The following SMARCC2 variants were observed in gnomAD, a reference collection of about 807,000 sequenced individuals.
The protein encoded by SMARCC2 is SWI/SNF complex subunit SMARCC2.
A neutral mutation model predicts 151.3 loss-of-function variants in SMARCC2; 15 were observed. The ratio of observed to expected loss-of-function variants is 0.10; its 90% CI spans 0.07 to 0.15. SMARCC2 has a LOEUF of 0.15. Among genes scored for constraint, SMARCC2 ranks in the 10% least tolerant of loss-of-function variants. The pLI is 1.00. For missense variants in SMARCC2, 1,031 were observed against 1,599.7 expected, an observed-to-expected ratio of 0.64 and a Z score of 6.06; for synonymous variants, 590 against 609.5, an observed-to-expected ratio of 0.97 and a Z score of 0.47.
At chr12:56,179,822 G>C (rs2135724492) in intron 11 of SMARCC2, among the ~76,000 whole-genome samples, 1 of 152,136 alleles carries the variant, frequency 6.6e-6, no homozygotes, top group East Asian at 1.9e-4. Context: ...GAATAGCTAG[G>C]ATTACAGGCG....
intron 5 of SMARCC2, 186 bp from the exon 6 acceptor site, chr12:56,184,430 G>C (rs1470525188): frequency 3.4e-6 from 2 of 584,032 alleles, no homozygotes; most frequent in African/African-American, 3.7e-5. Context: ...ATGGAGAAAA[G>C]TCAAAGAATT....
intron 25 of SMARCC2, 47 bp downstream of exon 25, chr12:56,169,482 G>C (rs1252458799): frequency 6.3e-7 from 1 of 1,595,514 alleles, no homozygotes; most frequent in Admixed American, 1.7e-5. Context: ...GATGAGATTA[G>C]AGAAGTGGAC....
chr12:56,187,416 T>C (rs897792151), intron 1 of SMARCC2, 110 bp from the exon 2 acceptor site: 2 of 1,023,812 alleles, frequency 2.0e-6, no homozygotes, highest in Non-Finnish European at 2.9e-6. Context: ...AAGAAAATAG[T>C]GCCCTTCTCC....
chr12:56,184,024 G>A, intron 6 of SMARCC2, 94 bp from the exon 7 acceptor site: 1 of 1,084,756 alleles, frequency 9.2e-7, no homozygotes, highest in Non-Finnish European at 1.4e-6. Context: ...CTCTCCTGTT[G>A]TAGCAGGGGA....
Position 56,168,052 on chromosome 12 carries a change from C to T in SMARCC2, c.2850+8G>A. On this transcript the variant is annotated splice_region_variant and intron_variant, in intron 26 of 28. Transcript: ENST00000550164. ...GCGCAGCAGGGTTCCAGGGCTCCTG[C>T]TACTCACTGCTTCTCGCTCCCGGTC... 6.2e-7 allele frequency: 1 copy of T among 1,612,492 alleles called. No homozygotes were observed. Among genetic ancestry groups the T allele is most frequent in the South Asian group, 1.1e-5 (1 of 91,064 alleles).
rs559358622 is a variant in SMARCC2, at chr12:56,174,574, G to A, written c.1496+77C>T. 1.5e-3 allele frequency: 1,363 copies of A among 885,832 alleles called. 3 individuals are homozygous for A. Among genetic ancestry groups the A allele is most frequent in the Non-Finnish European group, 1.6e-3 (839 of 525,432 alleles). The allele number at this position is 885,832 out of a possible 1,614,324, so 54.9% of individuals were successfully genotyped here. A position where few individuals can be genotyped will look rare whatever the true frequency, so the allele number is the denominator to read the frequency against. On this transcript the variant is annotated intron_variant, in intron 16 of 28. Coordinates refer to ENST00000550164, the MANE Select transcript of SMARCC2 (RefSeq NM_001330288.2). ...GTCTGCTCCTCTGTGTTCCTTGCTG[G>A]CATCTCTACTGTTGCCAAAACACAT...
At chr12:56,183,049 A>C (rs1448418980) in intron 7 of SMARCC2, among the ~76,000 whole-genome samples, 2 of 148,740 alleles carry the variant, frequency 1.3e-5, no homozygotes, top group Non-Finnish European at 3.0e-5. Context: ...CATGTTGCCT[A>C]GGCTGGTCTC....
chr12:56,177,526 C>T (rs747443838), intron 15 of SMARCC2, among the ~76,000 whole-genome samples: 1 of 152,118 alleles, frequency 6.6e-6, no homozygotes, highest in Non-Finnish European at 1.5e-5. Context: ...GGATGATTTA[C>T]AGTCGTGAGC....
In SMARCC2 at chr12:56,181,436, T is replaced by C. The variant is rs773884712; in HGVS notation, c.956+46A>G. The C allele has an allele frequency of 6.0e-6, 7 of 1,158,054 alleles. No individual in the cohort carries two copies. The African/African-American group carries it at 6.2e-5, about 10-fold the overall frequency. The allele number at this position is 1,158,054 out of a possible 1,614,324, so 71.7% of individuals were successfully genotyped here. On this transcript the variant is annotated intron_variant, in intron 10 of 28. Coordinates refer to ENST00000550164, the MANE Select transcript of SMARCC2 (RefSeq NM_001330288.2). Reference sequence around the variant, plus strand: ...TTTGTCTTTCCTTCCTTCAACATGATGTGGAGAGAATGGTGAACACGGGGG... The same window carrying C: ...TTTGTCTTTCCTTCCTTCAACATGACGTGGAGAGAATGGTGAACACGGGGG...
In SMARCC2 at chr12:56,170,419, T is replaced by G. The variant is rs761271892; in HGVS notation, c.2348-211A>C. Reference sequence around the variant, plus strand: ...GCACCCAGCTTCTCCATAACACCTGTTTTTTTTTGTTTTTTGTTTTTTTGT... The same window carrying G: ...GCACCCAGCTTCTCCATAACACCTGGTTTTTTTTGTTTTTTGTTTTTTTGT... On this transcript the variant is annotated intron_variant, in intron 22 of 28. Transcript: ENST00000550164. Among the ~76,000 whole-genome samples, 4 of 150,428 alleles carry G rather than the reference T, an allele frequency of 2.7e-5. 1 individual carries two copies. Among genetic ancestry groups the G allele is most frequent in the African/African-American group, 9.8e-5 (4 of 40,950 alleles).
chr12:56,184,797 A>T lies in SMARCC2; in HGVS notation c.492+47T>A, dbSNP rs781583240. 6.1e-6 allele frequency: 7 copies of T among 1,154,254 alleles called. No homozygotes were observed. In the South Asian group the frequency reaches 8.6e-5, roughly 14 times the overall value. The allele number at this position is 1,154,254 out of a possible 1,614,324, so 71.5% of individuals were successfully genotyped here. On this transcript the variant is annotated intron_variant, in intron 5 of 28. Coordinates refer to ENST00000550164, the MANE Select transcript of SMARCC2 (RefSeq NM_001330288.2). ...GCTGCTTGGTATAGAAAACACTGGG[A>T]AAACAGTCATGGAGTTTCTGAAACC...
chr12:56,170,642 T>A (rs915775374), intron 22 of SMARCC2, among the ~76,000 whole-genome samples: 1 of 151,672 alleles, frequency 6.6e-6, no homozygotes, highest in Non-Finnish European at 1.5e-5. Context: ...TTGCCCAGAC[T>A]GGTCTCAAAC....
rs141265342 is a variant in SMARCC2, at chr12:56,164,610, A to C, written c.3354T>G (p.Pro1118=). The change falls in exon 28 of 29, where the codon CCT becomes CCG. Residue 1118 remains proline, a synonymous_variant. Transcript: ENST00000550164. ...TGGATGGAGCAGGAGGAGGAGGAGG[A>C]GGCGGCATGCCAAAAGGCAAACCCA... ...APLGLPFGMP[P]PPPPPAPSII... The C allele has an allele frequency of 2.4e-4, 388 of 1,613,150 alleles. 1 individual carries two copies. Among genetic ancestry groups the C allele is most frequent in the Non-Finnish European group, 2.9e-4 (340 of 1,179,622 alleles).
Position 56,170,889 on chromosome 12 carries a change from C to T in SMARCC2, c.2347+382G>A, listed in dbSNP as rs146714474. On this transcript the variant is annotated intron_variant, in intron 22 of 28. Transcript: ENST00000550164. ...CTGGGATTACAGGCACGTGCCACCA[C>T]GCCCAGCTAATTTTTGTATATTTAG... Among the ~76,000 whole-genome samples the T allele has an allele frequency of 9.1e-3, 1,386 of 152,022 alleles. 11 individuals carry two copies. The highest frequency in any genetic ancestry group is 0.013 in the Admixed American group (194 of 15,242).
chr12:56,188,007 G>A (rs1317640690), intron 1 of SMARCC2, among the ~76,000 whole-genome samples: 1 of 152,162 alleles, frequency 6.6e-6, no homozygotes, highest in African/African-American at 2.4e-5. Context: ...ATTCTAATTT[G>A]AACCTGAGCC....
intron 15 of SMARCC2, 101 bp downstream of exon 15, chr12:56,177,921 G>A: frequency 1.2e-6 from 1 of 827,654 alleles, no homozygotes; most frequent in Non-Finnish European, 2.0e-6. Context: ...GCTCATGGAA[G>A]ATGCTCAAGA....
chr12:56,187,343 T>C (rs1365154434), intron 1 of SMARCC2, 37 bp from the exon 2 acceptor site: 1 of 1,596,476 alleles, frequency 6.3e-7, no homozygotes, highest in South Asian at 1.1e-5. Context: ...AAAATAGATC[T>C]CAGATAAATT....
chr12:56,178,971 C>A (rs763063730), intron 12 of SMARCC2, 26 bp downstream of exon 12: 14 of 1,612,892 alleles, frequency 8.7e-6, no homozygotes, highest in Non-Finnish European at 1.2e-5. Flanking sequence ...GCTCTGACTG[C>A]CGTGCCCAAG....
At position 56,185,069 on chromosome 12, in the gene SMARCC2, A is replaced by G; in HGVS notation, c.360T>C (p.Asn120=). Residue 120 remains asparagine, a synonymous_variant, in exon 4 of 29, where the codon AAT becomes AAC. Transcript: ENST00000550164. ...TCTCAATGGTCATAAACATTTCCACATTGCGGTCCATGCGTGATGGATTCT... is the reference window on the plus strand; with the variant it reads ...TCTCAATGGTCATAAACATTTCCACGTTGCGGTCCATGCGTGATGGATTCT... ...DFQNPSRMDR[N]VEMFMTIEKS... The G allele has an allele frequency of 4.3e-6, 7 of 1,614,138 alleles. No homozygotes were observed. The highest frequency in any genetic ancestry group is 5.9e-6 in the Non-Finnish European group (7 of 1,180,024).
Sources: allele counts gnomAD v4.1 joint callset (sites outside exome capture counted in the v4.1 genomes callset), GRCh38; gene constraint gnomAD v4.1.1; transcripts MANE v1.5; gene names NCBI Gene and HGNC (gene_info 2026-07-23, HGNC 2026-07-21).